The following SLC15A5 variants were observed in gnomAD, a reference collection of about 807,000 sequenced individuals.
The protein encoded by SLC15A5 is Peptide/histidine transporter ENSP00000340402.
A neutral mutation model predicts 56.1 loss-of-function variants in SLC15A5; 58 were observed. The observed-to-expected ratio is 1.03, with a 90% CI of 0.84 to 1.29. The LOEUF is 1.29. Ranked by LOEUF, SLC15A5 falls within the 50% of genes most tolerant of loss-of-function variation. SLC15A5 has a pLI of 0.00. For synonymous variants in SLC15A5, 264 were observed against 250.5 expected (o/e 1.05, Z -0.51); for missense variants, 681 against 672.1 (o/e 1.01, Z -0.15).
At chr12:16,240,958 G>A (rs181200290) in intron 4 of SLC15A5, among the ~76,000 whole-genome samples, 217 of 152,010 alleles carry the variant, frequency 1.4e-3, no homozygotes, top group East Asian at 8.1e-3. Flanking sequence ...GACTACAGGC[G>A]CCCGCCACCA....
At chr12:16,211,273 C>A (rs945829835) in intron 7 of SLC15A5, among the ~76,000 whole-genome samples, 1 of 152,202 alleles carries the variant, frequency 6.6e-6, no homozygotes, top group Non-Finnish European at 1.5e-5. Context: ...ACTGCAAATT[C>A]CTGTTTCAAG....
intron 5 of SLC15A5, among the ~76,000 whole-genome samples, chr12:16,227,009 A>G (rs1044298549): frequency 2.0e-5 from 3 of 152,174 alleles, no homozygotes; most frequent in African/African-American, 4.8e-5. Context: ...TGGTTGATAG[A>G]GAAACTGGTA....
At chr12:16,256,274 A>G (rs905020826) in intron 3 of SLC15A5, among the ~76,000 whole-genome samples, 18 of 152,224 alleles carry the variant, frequency 1.2e-4, no homozygotes, top group Admixed American at 1.1e-3. Context: ...AGCTAGTAAA[A>G]GAGGAAGAAA....
At chr12:16,205,620 CACAT>C (rs1864011796) in intron 7 of SLC15A5, among the ~76,000 whole-genome samples, 4 of 113,430 alleles carry the variant, frequency 3.5e-5, no homozygotes, top group South Asian at 4.1e-4. Flanking sequence ...CATATATATA[CACAT>C]ATATATATAC....
chr12:16,245,612 T>C (rs1864454176), intron 3 of SLC15A5, among the ~76,000 whole-genome samples: 1 of 152,212 alleles, frequency 6.6e-6, no homozygotes, highest in African/African-American at 2.4e-5. Context: ...GCAGTTCAGC[T>C]GTGCTGTCAT....
rs1864750206 is a variant in SLC15A5 at position 16,271,117 on chromosome 12, C to G, written c.584+1444G>C. Among the ~76,000 whole-genome samples, 1 of 152,148 alleles carries G rather than the reference C, an allele frequency of 6.6e-6. No individual in the cohort carries two copies. Among genetic ancestry groups the G allele is most frequent in the Non-Finnish European group, 1.5e-5 (1 of 68,042 alleles). ...CAGCTGCAGAAATTCATTTTCACCC[C>G]ATTCCCCATCCCCCTTCCTGAAGCC... On this transcript the variant is annotated intron_variant, in intron 2 of 8. Transcript: ENST00000344941. The surrounding 1 kb of genome is among the most constrained non-coding windows in gnomAD (Gnocchi z 8.0).
chr12:16,261,082 T>C (rs1294628481), intron 2 of SLC15A5, among the ~76,000 whole-genome samples: 1 of 152,166 alleles, frequency 6.6e-6, no homozygotes, highest in African/African-American at 2.4e-5. Context: ...TATTGAGATA[T>C]AATTGAGATG....
At chr12:16,270,816 A>G (rs956932576) in intron 2 of SLC15A5, among the ~76,000 whole-genome samples, 1 of 152,186 alleles carries the variant, frequency 6.6e-6, no homozygotes, top group African/African-American at 2.4e-5. Context: ...ATCAGCATTC[A>G]TTGCTATAAA....
At chr12:16,194,196 G>T (rs369112723) in intron 8 of SLC15A5, 149 bp downstream of exon 8, 1 of 476,208 alleles carries the variant, frequency 2.1e-6, no homozygotes, top group East Asian at 3.2e-5. Context: ...GTTCCAAATT[G>T]AAATTTCTTA....
chr12:16,244,790 G>T lies in SLC15A5; in HGVS notation c.765C>A (p.Leu255=). 1 of 1,537,764 alleles carries T rather than the reference G, an allele frequency of 6.5e-7. No individual in the cohort carries two copies. Among genetic ancestry groups the T allele is most frequent in the African/African-American group, 1.4e-5 (1 of 73,160 alleles). The change falls in exon 4 of 9, where the codon CTC becomes CTA. Residue 255 remains leucine (L), a synonymous_variant. Transcript: ENST00000344941. ...LIYQSEKRCS[L]LTGVGVLVSA... ...TAACCAACACCCCAACGCCTGTCAG[G>T]AGAGAACAACCTGCAAGTAATCGGA...
intron 4 of SLC15A5, among the ~76,000 whole-genome samples, chr12:16,240,706 C>T (rs913415713): frequency 2.0e-5 from 3 of 152,100 alleles, no homozygotes; most frequent in African/African-American, 4.8e-5. Context: ...TCTTGGCAAC[C>T]GAGTGTGATA....
intron 1 of SLC15A5, among the ~76,000 whole-genome samples, chr12:16,275,881 C>T (rs941604601): frequency 2.0e-5 from 3 of 151,892 alleles, no homozygotes; most frequent in Non-Finnish European, 4.4e-5. Flanking sequence ...CTGGGATTTG[C>T]TTAAATGTCT....
intron 7 of SLC15A5, among the ~76,000 whole-genome samples, chr12:16,197,347 A>G (rs1402924066): frequency 1.3e-5 from 2 of 152,152 alleles, no homozygotes; most frequent in African/African-American, 4.8e-5. Context: ...AGACAGAAAG[A>G]TTCTTCAGGA....
intron 8 of SLC15A5, among the ~76,000 whole-genome samples, chr12:16,193,839 GA>G (rs1863866909): frequency 1.5e-5 from 2 of 133,084 alleles, no homozygotes; most frequent in Non-Finnish European, 3.2e-5. Flanking sequence ...GAGAGAGAGA[GA>G]GAGAGGCTGG....
intron 7 of SLC15A5, among the ~76,000 whole-genome samples, chr12:16,216,436 A>G (rs1282262001): frequency 6.6e-6 from 1 of 152,202 alleles, no homozygotes; most frequent in East Asian, 1.9e-4. Flanking sequence ...TACTGGGAAA[A>G]TTTTAAAATA....
chr12:16,239,537 G>C, intron 5 of SLC15A5, 144 bp downstream of exon 5: 1 of 755,404 alleles, frequency 1.3e-6, no homozygotes, highest in Non-Finnish European at 2.1e-6. Flanking sequence ...CGGAAGATGG[G>C]TGTTATCAGT....
At chr12:16,259,230 T>C (rs2136809446) in intron 2 of SLC15A5, among the ~76,000 whole-genome samples, 1 of 151,298 alleles carries the variant, frequency 6.6e-6, no homozygotes, top group Middle Eastern at 3.4e-3. Flanking sequence ...AGAGATGAGG[T>C]CTCACTGTGT....
In SLC15A5 at chr12:16,243,401, G is replaced by A. The variant is rs1174003061; in HGVS notation, c.975+1179C>T. 6.6e-6 allele frequency among the ~76,000 whole-genome samples: 1 copy of A among 151,892 alleles called. No individual in the cohort carries two copies. Among genetic ancestry groups the A allele is most frequent in the African/African-American group, 2.4e-5 (1 of 41,346 alleles). On this transcript the variant is annotated intron_variant, in intron 4 of 8. Coordinates refer to ENST00000344941, the MANE Select transcript of SLC15A5 (RefSeq NM_001170798.1). The surrounding 1 kb of genome is among the most constrained non-coding windows in gnomAD (Gnocchi z 4.4). ...ATTTTGTATTTTTAGTAGAGACGGGGTTTCTCCATTTTGGTAAAGCTGGTT... is the reference window on the plus strand; with the variant it reads ...ATTTTGTATTTTTAGTAGAGACGGGATTTCTCCATTTTGGTAAAGCTGGTT...
chr12:16,192,526 A>G (rs922644353), intron 8 of SLC15A5, among the ~76,000 whole-genome samples: 2 of 152,132 alleles, frequency 1.3e-5, no homozygotes, highest in African/African-American at 4.8e-5. Flanking sequence ...AGAGAGAAGG[A>G]ATCACACTTG....
Sources: allele counts gnomAD v4.1 joint callset (sites outside exome capture counted in the v4.1 genomes callset), GRCh38; gene constraint gnomAD v4.1.1; non-coding constraint Gnocchi (gnomAD v3.1); transcripts MANE v1.5; gene names NCBI Gene and HGNC (gene_info 2026-07-23, HGNC 2026-07-21).